The following MACROD2 variants were observed in gnomAD, a reference collection of about 807,000 sequenced individuals.
The protein encoded by MACROD2 is mono-ADP ribosylhydrolase 2.
Under a neutral mutation model 70.4 loss-of-function variants are expected in MACROD2, and 36 were observed. The ratio of observed to expected loss-of-function variants is 0.51; its 90% CI spans 0.39 to 0.68. The LOEUF (loss-of-function observed/expected upper bound fraction) is 0.68. MACROD2 is among the 30% of genes least tolerant of loss of function. The pLI is 0.00. For synonymous variants in MACROD2, 172 were observed against 178.8 expected (o/e 0.96, Z 0.30); for missense variants, 496 against 538.4 (o/e 0.92, Z 0.78).
intron 13 of MACROD2, among the ~76,000 whole-genome samples, chr20:15,982,451 G>A (rs1015056197): frequency 3.3e-5 from 5 of 152,132 alleles, no homozygotes; most frequent in African/African-American, 1.2e-4. Context: ...GTTTCTTCAT[G>A]CTTCGGCCAT....
At chr20:15,217,976 A>G (rs2076825620) in intron 5 of MACROD2, among the ~76,000 whole-genome samples, 1 of 152,160 alleles carries the variant, frequency 6.6e-6, no homozygotes. Context: ...GCTCAGTGAT[A>G]TATTCTCTTC....
At chr20:14,552,891 G>A (rs1478696109) in intron 4 of MACROD2, among the ~76,000 whole-genome samples, 7 of 152,078 alleles carry the variant, frequency 4.6e-5, no homozygotes, top group African/African-American at 1.7e-4. Context: ...GTGAGTTAGT[G>A]GTGAGTGAAT....
At chr20:15,713,178 A>G (rs935619990) in intron 8 of MACROD2, among the ~76,000 whole-genome samples, 4 of 152,242 alleles carry the variant, frequency 2.6e-5, no homozygotes, top group Admixed American at 2.0e-4. Flanking sequence ...CACCAATACC[A>G]ATGGCAGCAG....
At chr20:14,249,559 C>CA (rs2081994136) in intron 3 of MACROD2, among the ~76,000 whole-genome samples, 1 of 151,930 alleles carries the variant, frequency 6.6e-6, no homozygotes, top group Non-Finnish European at 1.5e-5. Flanking sequence ...TCTCCAGCAT[C>CA]AAAATTAGAG....
At chr20:14,695,951 G>A (rs1329100628) in intron 5 of MACROD2, among the ~76,000 whole-genome samples, 2 of 152,172 alleles carry the variant, frequency 1.3e-5, no homozygotes, top group Non-Finnish European at 2.9e-5. Flanking sequence ...TGATCCTGAA[G>A]TTTATAAAGC....
chr20:15,634,379 T>G (rs772243998), intron 8 of MACROD2, among the ~76,000 whole-genome samples: 1 of 152,208 alleles, frequency 6.6e-6, no homozygotes, highest in Non-Finnish European at 1.5e-5. Context: ...AGAAATGTCT[T>G]TATTATTCAT....
chr20:14,446,326 A>G (rs932720851), intron 3 of MACROD2, among the ~76,000 whole-genome samples: 19 of 152,178 alleles, frequency 1.2e-4, no homozygotes, highest in Middle Eastern at 6.8e-3. Context: ...CCATTTATAG[A>G]TGTGGAAATT....
chr20:14,779,151 A>G (rs1267947433), intron 5 of MACROD2, among the ~76,000 whole-genome samples: 1 of 152,112 alleles, frequency 6.6e-6, no homozygotes, highest in Non-Finnish European at 1.5e-5. Flanking sequence ...AGGCATCATT[A>G]GATGTCTTCA....
At position 14,468,576 on chromosome 20, in the gene MACROD2, G is replaced by T. The variant is rs538383637; in HGVS notation, c.272-24903G>T. Among the ~76,000 whole-genome samples, 3 of 151,536 alleles carry T rather than the reference G, an allele frequency of 2.0e-5. No individual in the cohort carries two copies. In the South Asian group the frequency reaches 6.2e-4, roughly 31 times the overall value. On this transcript the variant is annotated intron_variant, in intron 3 of 17. Coordinates refer to ENST00000684519, the MANE Select transcript of MACROD2 (RefSeq NM_001351661.2). ...CACCGAGGCTGGAGTGCAGTGGCTCGATCTTGGCTCACTGCAACCTCCGCC... is the reference window on the plus strand; with the variant it reads ...CACCGAGGCTGGAGTGCAGTGGCTCTATCTTGGCTCACTGCAACCTCCGCC...
chr20:14,928,705 C>T (rs1291402336), intron 5 of MACROD2, among the ~76,000 whole-genome samples: 1 of 152,148 alleles, frequency 6.6e-6, no homozygotes, highest in Admixed American at 6.5e-5. Flanking sequence ...TGAGGCCATG[C>T]TCTGAAGGAT....
intron 10 of MACROD2, among the ~76,000 whole-genome samples, chr20:15,932,568 A>G (rs2065596197): frequency 6.6e-6 from 1 of 152,136 alleles, no homozygotes; most frequent in African/African-American, 2.4e-5. Context: ...CATTTTCCAA[A>G]CCAAAAGCAA....
At chr20:14,908,040 A>G (rs1860931113) in intron 5 of MACROD2, among the ~76,000 whole-genome samples, 1 of 152,186 alleles carries the variant, frequency 6.6e-6, no homozygotes, top group Non-Finnish European at 1.5e-5. Flanking sequence ...CAGGGAAACC[A>G]CATATTCAAA....
chr20:15,433,049 T>A (rs2046383017), intron 7 of MACROD2, among the ~76,000 whole-genome samples: 2 of 151,982 alleles, frequency 1.3e-5, no homozygotes, highest in South Asian at 4.1e-4. Flanking sequence ...AGAAGGGACT[T>A]ACATTAAAGT....
At chr20:14,710,840 TC>T (rs1228998209) in intron 5 of MACROD2, among the ~76,000 whole-genome samples, 2 of 152,158 alleles carry the variant, frequency 1.3e-5, no homozygotes, top group Non-Finnish European at 2.9e-5. Context: ...GGTCAGTGTT[TC>T]TCCTGATTGA....
intron 3 of MACROD2, among the ~76,000 whole-genome samples, chr20:14,205,454 G>A (rs757523073): frequency 2.0e-5 from 3 of 152,194 alleles, no homozygotes; most frequent in Non-Finnish European, 2.9e-5. Flanking sequence ...CCAATACTTT[G>A]TTATAAAAGC....
chr20:15,158,417 T>A lies in MACROD2; in HGVS notation c.419-71523T>A, dbSNP rs576681691. 8.5e-5 allele frequency among the ~76,000 whole-genome samples: 13 copies of A among 152,262 alleles called. No homozygotes were observed. The South Asian group carries it at 2.5e-3, about 29-fold the overall frequency. ...CAAAATCCTCCAGTGATAGTTAACA[T>A]TTTTTTCCTGATTTTACAGGTGAGA... On this transcript the variant is annotated intron_variant, in intron 5 of 17. Transcript: ENST00000684519.
intron 8 of MACROD2, among the ~76,000 whole-genome samples, chr20:15,553,467 G>A (rs1264550957): frequency 6.6e-6 from 1 of 152,172 alleles, no homozygotes; most frequent in Admixed American, 6.5e-5. Context: ...TGTCACCCAG[G>A]CTGGAATGCA....
In MACROD2 at chr20:14,591,006, A is replaced by G. The variant is rs549294053; in HGVS notation, c.302-93837A>G. 2.0e-5 allele frequency among the ~76,000 whole-genome samples: 3 copies of G among 152,302 alleles called. 1 individual carries two copies. In the South Asian group the frequency reaches 6.2e-4, roughly 32 times the overall value. On this transcript the variant is annotated intron_variant, in intron 4 of 17. Transcript: ENST00000684519. ...TATAAATCAGGTAAAAAATAGATAC[A>G]TTTTGATGTTATACGAAACTGTATT...
intron 5 of MACROD2, among the ~76,000 whole-genome samples, chr20:15,164,359 A>G (rs1417492178): frequency 6.6e-6 from 1 of 152,136 alleles, no homozygotes; most frequent in Admixed American, 6.6e-5. Context: ...GGACTTCAGC[A>G]TTTGTGGACT....
Sources: allele counts gnomAD v4.1 joint callset (sites outside exome capture counted in the v4.1 genomes callset), GRCh38; gene constraint gnomAD v4.1.1; transcripts MANE v1.5; gene names NCBI Gene and HGNC (gene_info 2026-07-23, HGNC 2026-07-21).